Variants in CNTN3 observed in about 807,000 individuals in gnomAD.
CNTN3 encodes the protein contactin-3.
In CNTN3, 60 loss-of-function variants were observed where a neutral mutation model predicts 119.1. The observed-to-expected ratio is 0.50, with a 90% CI of 0.41 to 0.62. The LOEUF is 0.62. Ranked by LOEUF, CNTN3 falls within the 20% of genes least tolerant of loss-of-function variation. The pLI is 0.00. For missense variants in CNTN3, 1,101 were observed against 1,242.4 expected, an observed-to-expected ratio of 0.89 and a Z score of 1.71; for synonymous variants, 450 against 438.7, an observed-to-expected ratio of 1.03 and a Z score of -0.32.
At chr3:74,600,907 T>G (rs965673541) in intron 1 of CNTN3, among the ~76,000 whole-genome samples, 16 of 152,044 alleles carry the variant, frequency 1.1e-4, no homozygotes, top group Non-Finnish European at 1.8e-4. Flanking sequence ...CCTTCCTTGA[T>G]CATTCTACCT....
At chr3:74,344,994 AC>A (rs1703657898) in intron 11 of CNTN3, among the ~76,000 whole-genome samples, 1 of 152,174 alleles carries the variant, frequency 6.6e-6, no homozygotes. Context: ...TCATCCAATG[AC>A]GCAGAAGTAG....
At chr3:74,432,752 C>T (rs1009408021) in intron 4 of CNTN3, among the ~76,000 whole-genome samples, 5 of 152,158 alleles carry the variant, frequency 3.3e-5, no homozygotes, top group Non-Finnish European at 2.9e-5. Context: ...TCATTATTTT[C>T]GTTATTTCTT....
intron 3 of CNTN3, among the ~76,000 whole-genome samples, chr3:74,490,830 C>T (rs755625464): frequency 1.4e-4 from 22 of 152,156 alleles, no homozygotes; most frequent in Admixed American, 4.6e-4. Flanking sequence ...AGTGTATTCA[C>T]GTTAGTAAAC....
intron 5 of CNTN3, among the ~76,000 whole-genome samples, chr3:74,423,228 A>G (rs1375145147): frequency 6.6e-6 from 1 of 152,238 alleles, no homozygotes; most frequent in Admixed American, 6.5e-5. Flanking sequence ...ATCAATGATC[A>G]AAACTCATGA....
chr3:74,319,842 C>T (rs1049470065), intron 13 of CNTN3, among the ~76,000 whole-genome samples: 2 of 151,352 alleles, frequency 1.3e-5, no homozygotes, highest in Non-Finnish European at 2.9e-5. Flanking sequence ...ACAACCCCAT[C>T]AATAAGCAGG....
At chr3:74,432,857 C>T (rs545519910) in intron 4 of CNTN3, among the ~76,000 whole-genome samples, 15 of 152,228 alleles carry the variant, frequency 9.9e-5, no homozygotes, top group Admixed American at 9.8e-4. Context: ...TATGTATAAA[C>T]CCCCTAAGGG....
intron 20 of CNTN3, 60 bp from the exon 21 acceptor site, chr3:74,267,438 G>A (rs1468069048): frequency 8.4e-7 from 1 of 1,188,020 alleles, no homozygotes; most frequent in Non-Finnish European, 1.3e-6. Context: ...ATTTTACACG[G>A]AGGAGATGGC....
chr3:74,375,468 T>C (rs1309164199), intron 5 of CNTN3, among the ~76,000 whole-genome samples: 2 of 152,074 alleles, frequency 1.3e-5, no homozygotes, highest in African/African-American at 4.8e-5. Context: ...AATATGTTAC[T>C]TGACATGACA....
At position 74,424,815 on chromosome 3, in the gene CNTN3, T is replaced by C. The variant is rs760338613; in HGVS notation, c.454+30A>G. ...AGGCCTTGCCCTGAACCTTAATAAATATGAAAAGCAGAAACAGAGCATGAC... is the reference window on the plus strand; with the variant it reads ...AGGCCTTGCCCTGAACCTTAATAAACATGAAAAGCAGAAACAGAGCATGAC... On this transcript the variant is annotated intron_variant, in intron 5 of 22. Transcript: ENST00000263665. 3.2e-6 allele frequency: 5 copies of C among 1,586,008 alleles called. No individual in the cohort carries two copies. The African/African-American group carries it at 5.4e-5, about 17-fold the overall frequency.
At chr3:74,607,846 A>T (rs1264261193) in intron 1 of CNTN3, among the ~76,000 whole-genome samples, 1 of 152,212 alleles carries the variant, frequency 6.6e-6, no homozygotes, top group African/African-American at 2.4e-5. Context: ...TTAAGTTAAA[A>T]TCCTAGAAAC....
chr3:74,455,670 G>GT (rs962201310), intron 4 of CNTN3, among the ~76,000 whole-genome samples: 4 of 151,644 alleles, frequency 2.6e-5, no homozygotes, highest in East Asian at 2.0e-4. Flanking sequence ...ATGTACAGAT[G>GT]TTTTTTTTGG....
chr3:74,549,876 C>T (rs4677413), intron 1 of CNTN3, among the ~76,000 whole-genome samples: 129,933 of 152,246 alleles, frequency 0.85, 56,404 homozygotes, highest in East Asian at 0.93. Flanking sequence ...TCACAGCATA[C>T]GCCCTCAGGG....
intron 1 of CNTN3, among the ~76,000 whole-genome samples, chr3:74,571,455 C>T (rs147954140): frequency 4.0e-4 from 61 of 152,292 alleles, no homozygotes; most frequent in African/African-American, 1.4e-3. Context: ...ATCTCTACCC[C>T]TCATTGATTG....
intron 20 of CNTN3, among the ~76,000 whole-genome samples, chr3:74,272,884 T>G (rs1031432543): frequency 4.6e-5 from 7 of 152,290 alleles, no homozygotes; most frequent in African/African-American, 1.7e-4. Flanking sequence ...AACTTACTAT[T>G]TGGTTAGCAT....
At position 74,486,627 on chromosome 3, in the gene CNTN3, G is replaced by A; in HGVS notation, c.187C>T (p.Gln63Ter). The stretch of plus-strand genomic sequence containing the variant: ...ATATCAATATCACTTCCATTCAGCT[G>A]CCATCTGTAAAACAAATATCAAGGT... ...RGNPSPHYRW[Q>*]LNGSDIDMSM... The change falls in exon 4 of 23, where the codon CAG (glutamine) becomes TAG (stop). Residue 63 changes from glutamine to a stop codon, truncating the protein, a stop_gained. Transcript: ENST00000263665. LOFTEE classifies it high-confidence loss of function. 1 of 1,534,964 alleles carries A rather than the reference G, an allele frequency of 6.5e-7. No individual in the cohort carries two copies. The highest frequency in any genetic ancestry group is 8.7e-7 in the Non-Finnish European group (1 of 1,147,618).
chr3:74,359,294 TTCTTATAGATCAGTATATGTATA>T (rs1704023953), intron 11 of CNTN3, among the ~76,000 whole-genome samples: 1 of 152,180 alleles, frequency 6.6e-6, no homozygotes, highest in South Asian at 2.1e-4. Context: ...CATGATCTCA[TTCTTATAGATCAGTATATGTATA>T]TGTACAAATA....
At chr3:74,314,690 A>G (rs1575718668) in intron 13 of CNTN3, among the ~76,000 whole-genome samples, 1 of 152,240 alleles carries the variant, frequency 6.6e-6, no homozygotes, top group South Asian at 2.1e-4. Flanking sequence ...AGAGGAATCC[A>G]GTATCATATT....
intron 5 of CNTN3, among the ~76,000 whole-genome samples, chr3:74,422,779 ACTTC>A (rs1283088611): frequency 6.6e-6 from 1 of 152,196 alleles, no homozygotes; most frequent in Non-Finnish European, 1.5e-5. Flanking sequence ...TTATTTTGAT[ACTTC>A]CTTCCTAGAT....
At chr3:74,396,502 T>A (rs1267552940) in intron 5 of CNTN3, among the ~76,000 whole-genome samples, 1 of 152,072 alleles carries the variant, frequency 6.6e-6, no homozygotes, top group Admixed American at 6.6e-5. Flanking sequence ...AACCCAGTAC[T>A]TTGGGAGGCC....
Sources: gnomAD v4.1 joint callset for allele counts (sites outside exome capture counted in the v4.1 genomes callset) on GRCh38, gnomAD v4.1.1 for gene constraint, MANE v1.5 for transcripts, NCBI Gene and HGNC (gene_info 2026-07-23, HGNC 2026-07-21) for gene names.